The following ZPBP2 variants were observed in gnomAD, a reference collection of about 807,000 sequenced individuals.
ZPBP2 encodes zona pellucida-binding protein 2.
In ZPBP2, 34 loss-of-function variants were observed where a neutral mutation model predicts 37.5. The observed-to-expected ratio is 0.91, with a 90% CI of 0.69 to 1.21. The LOEUF (loss-of-function observed/expected upper bound fraction) is 1.21. Among genes scored for constraint, ZPBP2 ranks in the 50% most tolerant of loss-of-function variants. ZPBP2 has a pLI of 0.00. For missense variants in ZPBP2, 397 were observed against 413.5 expected, an observed-to-expected ratio of 0.96 and a Z score of 0.35; for synonymous variants, 143 against 138.4, an observed-to-expected ratio of 1.03 and a Z score of -0.23.
At chr17:39,874,483 C>G (rs187427409) in intron 6 of ZPBP2, among the ~76,000 whole-genome samples, 1 of 152,102 alleles carries the variant, frequency 6.6e-6, no homozygotes, top group East Asian at 1.9e-4. Context: ...TTCTGTCACC[C>G]AGGCTGCTGT....
In ZPBP2 at chr17:39,876,585, T is replaced by C; in HGVS notation, c.890-97T>C. 3 of 1,396,590 alleles carry C rather than the reference T, an allele frequency of 2.1e-6. No individual in the cohort carries two copies. The East Asian group carries it at 7.1e-5, about 33-fold the overall frequency. The allele number at this position is 1,396,590 out of a possible 1,614,324, so 86.5% of individuals were successfully genotyped here. ...TATAGGTACTGAAATGGTATGATAT[T>C]AAAGGCAGATTTATATTGTTGGTAT... On this transcript the variant is annotated intron_variant, in intron 7 of 7. Coordinates refer to ENST00000348931, the MANE Select transcript of ZPBP2 (RefSeq NM_199321.3).
In ZPBP2 at chr17:39,868,585, G is replaced by A. The variant is rs750787463; in HGVS notation, c.89G>A (p.Gly30Asp). The change falls in exon 2 of 8, where the codon GGC (glycine) becomes GAC (aspartate). Residue 30 changes from glycine (G) to aspartate (D), a missense_variant. Coordinates refer to ENST00000348931, the MANE Select transcript of ZPBP2 (RefSeq NM_199321.3). ...CGTTTTACCTTATTCAATAAGAAGG[G>A]CTTCATTTATGGCAAGACAGGACAG... ...CPRFTLFNKK[G>D]FIYGKTGQPD... 21 of 1,613,980 alleles carry A rather than the reference G, an allele frequency of 1.3e-5. No individual in the cohort carries two copies. Among genetic ancestry groups the A allele is most frequent in the Non-Finnish European group, 1.6e-5 (19 of 1,180,048 alleles).
At chr17:39,868,442 C>G in intron 1 of ZPBP2, 36 bp downstream of exon 1, 1 of 1,611,828 alleles carries the variant, frequency 6.2e-7, no homozygotes, top group Non-Finnish European at 8.5e-7. Flanking sequence ...AGGCCTCTCC[C>G]TCTGCCCGAG....
chr17:39,869,736 A>G lies in ZPBP2; in HGVS notation c.119-958A>G, dbSNP rs561409803. On this transcript the variant is annotated intron_variant, in intron 2 of 7. Coordinates refer to ENST00000348931, the MANE Select transcript of ZPBP2 (RefSeq NM_199321.3). ...TTTTTTTTTTTTTTTTTTTAAAGAC[A>G]GCATCTCGCTCCATTGCCCAGGCTG... Among the ~76,000 whole-genome samples, 273 of 113,056 alleles carry G rather than the reference A, an allele frequency of 2.4e-3. 1 individual carries two copies. Among genetic ancestry groups the G allele is most frequent in the Middle Eastern group, 0.022 (3 of 134 alleles). 74.2% of individuals were successfully genotyped at this position (113,056 alleles called of 152,430 possible).
In ZPBP2 at chr17:39,870,768, A is replaced by G; in HGVS notation, c.193A>G (p.Ile65Val). 1 of 1,572,322 alleles carries G rather than the reference A, an allele frequency of 6.4e-7. No individual in the cohort carries two copies. The highest frequency in any genetic ancestry group is 1.2e-5 in the South Asian group (1 of 83,426). Residue 65 changes from isoleucine to valine, a missense_variant, in exon 3 of 8, where the codon ATA becomes GTA. Ile to Val is a conservative substitution (Grantham distance 29). Coordinates refer to ENST00000348931, the MANE Select transcript of ZPBP2 (RefSeq NM_199321.3). The stretch of plus-strand genomic sequence containing the variant: ...GGATTTTAAGCTTTCTAAAAAAGAA[A>G]TAGTGGACCCCACCTACTTATGGAT... ...CMDFKLSKKE[I>V]VDPTYLWIGP...
chr17:39,870,034 T>C (rs1023936812), intron 2 of ZPBP2, among the ~76,000 whole-genome samples: 2 of 151,728 alleles, frequency 1.3e-5, no homozygotes, highest in African/African-American at 4.8e-5. Context: ...AGAATAGTTA[T>C]GCTGAAGTCT....
chr17:39,869,267 A>C (rs1178873885), intron 2 of ZPBP2, among the ~76,000 whole-genome samples: 1 of 152,218 alleles, frequency 6.6e-6, no homozygotes, highest in East Asian at 1.9e-4. Context: ...AGAAACAAGA[A>C]GTAATCACAC....
rs766098753 is a variant in ZPBP2, at chr17:39,868,346, C to T, written c.-9C>T. The T allele has an allele frequency of 1.2e-6, 2 of 1,608,368 alleles. No homozygotes were observed. The highest frequency in any genetic ancestry group is 1.7e-4 in the Middle Eastern group (1 of 5,892). On this transcript the variant is annotated 5_prime_UTR_variant, in exon 1 of 8. Transcript: ENST00000348931. ...CCTCGACGCCTCCTGCGACGCCAGC[C>T]CCTGAGCGATGATGCGAACGTGCGT...
intron 7 of ZPBP2, among the ~76,000 whole-genome samples, chr17:39,876,075 T>C (rs774416985): frequency 1.1e-4 from 16 of 151,550 alleles, no homozygotes; most frequent in Non-Finnish European, 1.8e-4. Context: ...TTTGTATTTT[T>C]ACTGACTAAT....
chr17:39,872,557 A>G (rs1207962632), intron 5 of ZPBP2, 69 bp downstream of exon 5: 1 of 1,019,920 alleles, frequency 9.8e-7, no homozygotes, highest in African/African-American at 1.6e-5. Flanking sequence ...AAATTACCAT[A>G]TTAATATAAG....
intron 3 of ZPBP2, 26 bp from the exon 4 acceptor site, chr17:39,871,438 A>T: frequency 6.7e-7 from 1 of 1,494,464 alleles, no homozygotes; most frequent in Non-Finnish European, 9.0e-7. Flanking sequence ...TTATATGTTA[A>T]ATAAGTAATT....
At chr17:39,872,539 A>G (rs984174343) in intron 5 of ZPBP2, 51 bp downstream of exon 5, 1 of 1,185,024 alleles carries the variant, frequency 8.4e-7, no homozygotes, top group Admixed American at 2.9e-5. Flanking sequence ...GAACCATAAT[A>G]GATTACAAAA....
At chr17:39,872,593 A>C (rs1452245851) in intron 5 of ZPBP2, 105 bp downstream of exon 5, 1 of 780,118 alleles carries the variant, frequency 1.3e-6, no homozygotes, top group African/African-American at 1.8e-5. Flanking sequence ...TAGGTCTTAC[A>C]TGTTTGTTAA....
chr17:39,868,611 C>G lies in ZPBP2; in HGVS notation c.115C>G (p.Pro39Ala). 4 of 1,614,092 alleles carry G rather than the reference C, an allele frequency of 2.5e-6. No individual in the cohort carries two copies. Among genetic ancestry groups the G allele is most frequent in the Non-Finnish European group, 3.4e-6 (4 of 1,180,010 alleles). Reference protein sequence around the residue: ...KGFIYGKTGQPDKIYVELHQN... With the variant: ...KGFIYGKTGQADKIYVELHQN... ...CTTCATTTATGGCAAGACAGGACAG[C>G]CAGGTAATAAGGGCCTCTGCACACG... The change falls in exon 2 of 8, where the codon CCA (proline) becomes GCA (alanine). Residue 39 changes from proline (P) to alanine (A), a missense_variant. Pro to Ala is a conservative substitution (Grantham distance 27, BLOSUM62 -1). Transcript: ENST00000348931.
chr17:39,872,899 T>C, intron 5 of ZPBP2, 145 bp from the exon 6 acceptor site: 1 of 672,160 alleles, frequency 1.5e-6, no homozygotes, highest in South Asian at 1.9e-5. Flanking sequence ...TTATTCAAAT[T>C]GTGCACCTTG....
chr17:39,871,597 C>T lies in ZPBP2; in HGVS notation c.378C>T (p.Val126=). 1 of 1,589,480 alleles carries T rather than the reference C, an allele frequency of 6.3e-7. No individual in the cohort carries two copies. The highest frequency in any genetic ancestry group is 8.5e-7 in the Non-Finnish European group (1 of 1,170,756). The change falls in exon 4 of 8, where the codon GTC becomes GTT. Residue 126 remains valine (V), a synonymous_variant. Coordinates refer to ENST00000348931, the MANE Select transcript of ZPBP2 (RefSeq NM_199321.3). ...CAGAAACTCAAGAAGAAAAAACAGT[C>T]AAAAAGAGATATGACTTTATGGTCT... ...VKAETQEEKT[V]KKRYDFMVFA...
chr17:39,868,656 G>A (rs2144637508), intron 2 of ZPBP2, 42 bp downstream of exon 2: 2 of 1,609,208 alleles, frequency 1.2e-6, no homozygotes, highest in South Asian at 1.1e-5. Flanking sequence ...TGGAGGGGCC[G>A]GAACTGCGAA....
In ZPBP2 at chr17:39,876,796, A is replaced by C. The variant is rs746480215; in HGVS notation, c.1004A>C (p.Gln335Pro). The change falls in exon 8 of 8, where the codon CAA (glutamine) becomes CCA (proline). Residue 335 changes from glutamine to proline, a missense_variant. By Grantham distance (76) the Gln-to-Pro change is moderately conservative (BLOSUM62 -1). Transcript: ENST00000348931. The part of the protein sequence containing the change: ...SCPQTSNKNQ[Q>P]YED ...CCACAAACTTCAAACAAAAATCAGC[A>C]ATATGAAGATTAGAGGTGAAAGCAT... is the stretch of plus-strand genomic sequence containing the variant. The C allele has an allele frequency of 2.7e-5, 44 of 1,613,644 alleles. No individual in the cohort carries two copies. In the South Asian group the frequency reaches 4.5e-4, roughly 17 times the overall value.
intron 7 of ZPBP2, 113 bp downstream of exon 7, chr17:39,875,547 AAT>A: frequency 1.6e-5 from 14 of 854,850 alleles, no homozygotes; most frequent in South Asian, 4.2e-5. Flanking sequence ...CTTACCAAAA[AAT>A]ATATATATAT....
Sources: allele counts gnomAD v4.1 joint callset (sites outside exome capture counted in the v4.1 genomes callset), GRCh38; gene constraint gnomAD v4.1.1; transcripts MANE v1.5; gene names NCBI Gene and HGNC (gene_info 2026-07-23, HGNC 2026-07-21).